Variants in AR observed in about 807,000 individuals in gnomAD.
AR encodes the protein androgen receptor.
AR carries 8 observed loss-of-function variants against 53.9 expected under a neutral mutation model. The ratio of observed to expected loss-of-function variants is 0.15; its 90% CI spans 0.09 to 0.27. The LOEUF is 0.27. Among genes scored for constraint, AR ranks in the 10% least tolerant of loss-of-function variants. The pLI, the probability that AR is intolerant of heterozygous loss-of-function variation, is 1.00. For missense variants in AR, 639 were observed against 742.5 expected, an observed-to-expected ratio of 0.86 and a Z score of 1.62; for synonymous variants, 359 against 316.4, an observed-to-expected ratio of 1.13 and a Z score of -1.43.
At position 67,545,530 on chromosome X, in the gene AR, G is replaced by C. The variant is rs2147316123; in HGVS notation, c.384G>C (p.Glu128Asp). The change falls in exon 1 of 8, where the codon GAG becomes GAC. Residue 128 changes from glutamate (E) to aspartate (D), a missense_variant. Physicochemically the swap from Glu to Asp is conservative, Grantham distance 45. This residue lies in a region of AR where 423 missense variants were observed against 377.0 expected (regional missense o/e 1.12). Transcript: ENST00000374690. ...QPQSALECHP[E>D]RGCVPEPGAA... ...AGTCGGCCCTGGAGTGCCACCCCGA[G>C]AGAGGTTGCGTCCCAGAGCCTGGAG... 3.4e-6 allele frequency: 4 copies of C among 1,186,443 alleles called. No individual in the cohort carries two copies. The highest frequency in any genetic ancestry group is 4.5e-6 in the Non-Finnish European group (4 of 882,885).
intron 1 of AR, among the ~76,000 whole-genome samples, chrX:67,593,315 G>A (rs1480291982): frequency 1.8e-5 from 2 of 108,480 alleles, no homozygotes; most frequent in African/African-American, 6.7e-5. Flanking sequence ...GCCGCTTTGG[G>A]TTGGTGTCAG....
intron 2 of AR, among the ~76,000 whole-genome samples, chrX:67,664,078 G>A (rs1927112757): frequency 9.0e-6 from 1 of 111,367 alleles, no homozygotes; most frequent in Non-Finnish European, 1.9e-5. Flanking sequence ...TCCTCCTTTA[G>A]CTCAGAGTAG....
chrX:67,563,397 C>T (rs1043072129), intron 1 of AR, among the ~76,000 whole-genome samples: 1 of 111,704 alleles, frequency 9.0e-6, no homozygotes, highest in African/African-American at 3.3e-5. Context: ...ACTAATGCTT[C>T]CTTTGTTGGG....
intron 4 of AR, among the ~76,000 whole-genome samples, chrX:67,715,344 G>A (rs544643552): frequency 1.1e-4 from 12 of 111,309 alleles, no homozygotes; most frequent in African/African-American, 2.3e-4. Context: ...GGCTCCAGCC[G>A]GTCTGTCAGC....
chrX:67,640,754 T>A (rs955620140), intron 1 of AR, among the ~76,000 whole-genome samples: 1 of 110,744 alleles, frequency 9.0e-6, no homozygotes, highest in Non-Finnish European at 1.9e-5. Flanking sequence ...AATAGACTGT[T>A]TATCTGATAT....
intron 1 of AR, among the ~76,000 whole-genome samples, chrX:67,583,714 AC>A (rs1180617809): frequency 5.4e-5 from 6 of 112,130 alleles, no homozygotes; most frequent in African/African-American, 1.3e-4. Flanking sequence ...ATAAAAAAAA[AC>A]AATTAGGACT....
At chrX:67,597,132 G>A (rs1422427614) in intron 1 of AR, among the ~76,000 whole-genome samples, 1 of 111,626 alleles carries the variant, frequency 9.0e-6, no homozygotes, top group African/African-American at 3.3e-5. Context: ...ACCTTTTTTT[G>A]CACTAGCCCA....
intron 1 of AR, among the ~76,000 whole-genome samples, chrX:67,582,759 G>A (rs752669964): frequency 2.2e-4 from 25 of 111,416 alleles, no homozygotes; most frequent in Non-Finnish European, 1.5e-4. Flanking sequence ...ATTCACTCAA[G>A]CAATTTTCAT....
intron 1 of AR, among the ~76,000 whole-genome samples, chrX:67,592,359 C>T (rs1351258161): frequency 8.9e-6 from 1 of 111,966 alleles, no homozygotes; most frequent in Non-Finnish European, 1.9e-5. Context: ...AACAATTATC[C>T]TCATTTTCAC....
At chrX:67,643,444 C>T (rs2147436931) in intron 2 of AR, 37 bp downstream of exon 2, 1 of 1,183,093 alleles carries the variant, frequency 8.5e-7, no homozygotes, top group Non-Finnish European at 1.1e-6. Context: ...CTTTCCCTTT[C>T]TCCTTTACCT....
At chrX:67,703,841 T>G (rs1357697668) in intron 3 of AR, among the ~76,000 whole-genome samples, 1 of 110,867 alleles carries the variant, frequency 9.0e-6, no homozygotes, top group East Asian at 2.8e-4. Flanking sequence ...TTCCCCTTCC[T>G]GTGTCCAGGT....
At chrX:67,715,960 G>T (rs148676545) in intron 4 of AR, among the ~76,000 whole-genome samples, 1 of 111,974 alleles carries the variant, frequency 8.9e-6, no homozygotes, top group African/African-American at 3.2e-5. Flanking sequence ...AAAAACTCCA[G>T]GAGAACATGG....
At chrX:67,657,133 G>T (rs895467923) in intron 2 of AR, among the ~76,000 whole-genome samples, 3 of 111,043 alleles carry the variant, frequency 2.7e-5, no homozygotes, top group African/African-American at 9.8e-5. Context: ...TGATAATTTG[G>T]TTGAAATGAA....
intron 2 of AR, among the ~76,000 whole-genome samples, chrX:67,660,471 A>C (rs1015608035): frequency 9.0e-6 from 1 of 111,572 alleles, no homozygotes; most frequent in Non-Finnish European, 1.9e-5. Flanking sequence ...TAAATAGGGA[A>C]TCCTTTCCCC....
At chrX:67,603,897 G>A (rs1318731813) in intron 1 of AR, among the ~76,000 whole-genome samples, 2 of 110,996 alleles carry the variant, frequency 1.8e-5, no homozygotes, top group Non-Finnish European at 3.8e-5. Context: ...GACAGAAAAT[G>A]TTTTAGAGGT....
intron 1 of AR, among the ~76,000 whole-genome samples, chrX:67,565,230 G>T (rs966108521): frequency 3.6e-5 from 4 of 111,928 alleles, no homozygotes; most frequent in Non-Finnish European, 5.6e-5. Flanking sequence ...GACTTTAAAA[G>T]ATTGGTATTA....
intron 1 of AR, among the ~76,000 whole-genome samples, chrX:67,623,925 C>T (rs1924492838): frequency 9.0e-6 from 1 of 111,057 alleles, no homozygotes; most frequent in South Asian, 3.8e-4. Flanking sequence ...AAGAAAAGCG[C>T]TTTAATTGAC....
chrX:67,711,743 G>C (rs184286103), intron 4 of AR, 54 bp downstream of exon 4: 95 of 1,122,831 alleles, frequency 8.5e-5, no homozygotes, highest in Non-Finnish European at 1.1e-4. Context: ...TTTAGTGAAC[G>C]CTCCTATGGA....
chrX:67,621,903 T>C (rs1924396165), intron 1 of AR, among the ~76,000 whole-genome samples: 1 of 111,062 alleles, frequency 9.0e-6, no homozygotes. Context: ...TGCTATAGAG[T>C]ATGGTGGACA....
Sources: allele counts gnomAD v4.1 joint callset (sites outside exome capture counted in the v4.1 genomes callset), GRCh38; gene constraint gnomAD v4.1.1; regional missense constraint gnomAD v4.1.1; transcripts MANE v1.5; gene names NCBI Gene and HGNC (gene_info 2026-07-23, HGNC 2026-07-21).